SPOCK3: variants seen among roughly 807,000 people sequenced by gnomAD.
SPOCK3 encodes the protein SPARC (osteonectin), cwcv and kazal like domains proteoglycan 3.
SPOCK3 carries 30 observed loss-of-function variants against 56.6 expected under a neutral mutation model. The ratio of observed to expected loss-of-function variants is 0.53; its 90% confidence interval spans 0.40 to 0.72. The LOEUF (loss-of-function observed/expected upper bound fraction) is 0.72, where lower values mean the gene tolerates loss of function less well. Among genes scored for constraint, SPOCK3 ranks in the 30% least tolerant of loss-of-function variants. SPOCK3 has a pLI of 0.00. For synonymous variants in SPOCK3, 196 were observed against 183.3 expected (o/e 1.07, Z -0.56); for missense variants, 527 against 530.0 (o/e 0.99, Z 0.06).
chr4:166,768,000 T>G (rs1738357421), intron 7 of SPOCK3, among the ~76,000 whole-genome samples: 1 of 137,502 alleles, frequency 7.3e-6, no homozygotes. Flanking sequence ...TATCAGAGAC[T>G]AGGATTGCAA....
intron 3 of SPOCK3, among the ~76,000 whole-genome samples, chr4:167,040,070 A>G (rs1043308777): frequency 5.9e-5 from 9 of 152,198 alleles, no homozygotes; most frequent in Admixed American, 6.6e-5. Context: ...TCCAAAGCCT[A>G]CAAAATTTTC....
chr4:166,803,144 A>G lies in SPOCK3; in HGVS notation c.590-10855T>C, dbSNP rs144488997. ...TGAGTGTGCTCTATATTAAAGCCACACTAAAATTTTTAAGTGATAAATTCT... is the reference window on the plus strand; with the variant it reads ...TGAGTGTGCTCTATATTAAAGCCACGCTAAAATTTTTAAGTGATAAATTCT... On this transcript the variant is annotated intron_variant, in intron 6 of 10. Coordinates refer to ENST00000357545, the MANE Select transcript of SPOCK3 (RefSeq NM_001040159.2). 1.4e-4 allele frequency among the ~76,000 whole-genome samples: 22 copies of G among 152,302 alleles called. No homozygotes were observed. The East Asian group carries it at 4.3e-3, about 29-fold the overall frequency.
rs374304491 is a variant in SPOCK3, at chr4:167,176,609, C to T, written c.189+57376G>A. On this transcript the variant is annotated intron_variant, in intron 2 of 10. Coordinates refer to ENST00000357545, the MANE Select transcript of SPOCK3 (RefSeq NM_001040159.2). ...CTAATTTTTTGCATAAAGACAAGTGCTTCCATCTCTTTCAGTTCTTGGGTA... is the reference window on the plus strand; with the variant it reads ...CTAATTTTTTGCATAAAGACAAGTGTTTCCATCTCTTTCAGTTCTTGGGTA... 1.8e-3 allele frequency among the ~76,000 whole-genome samples: 274 copies of T among 152,190 alleles called. 13 individuals carry two copies. In the South Asian group the frequency reaches 0.054, roughly 30 times the overall value.
At chr4:166,943,728 T>C (rs938680092) in intron 4 of SPOCK3, among the ~76,000 whole-genome samples, 1 of 152,242 alleles carries the variant, frequency 6.6e-6, no homozygotes, top group Non-Finnish European at 1.5e-5. Flanking sequence ...CTATGACAAG[T>C]ACTAAAGTGG....
chr4:166,827,680 G>T (rs564153471), intron 6 of SPOCK3, among the ~76,000 whole-genome samples: 2 of 151,964 alleles, frequency 1.3e-5, no homozygotes, highest in African/African-American at 4.8e-5. Flanking sequence ...CATTCTGGCC[G>T]GCTTGACTTG....
intron 2 of SPOCK3, among the ~76,000 whole-genome samples, chr4:167,099,348 T>A (rs966478783): frequency 2.6e-5 from 4 of 151,938 alleles, no homozygotes; most frequent in African/African-American, 9.7e-5. Context: ...GATTTCCTAC[T>A]GAAGTGGCTG....
rs72975546 is a variant in SPOCK3, at chr4:167,177,974, T to C, written c.189+56011A>G. 9.7e-3 allele frequency among the ~76,000 whole-genome samples: 1,479 copies of C among 152,238 alleles called. 22 individuals are homozygous for C. The highest frequency in any genetic ancestry group is 0.033 in the African/African-American group (1,381 of 41,534). ...TCTTTTTCTGTCTCTGAATTATCTA[T>C]AGAGAAGCAGAGGCTCAGGAAGTTT... On this transcript the variant is annotated intron_variant, in intron 2 of 10. Coordinates refer to ENST00000357545, the MANE Select transcript of SPOCK3 (RefSeq NM_001040159.2).
intron 6 of SPOCK3, among the ~76,000 whole-genome samples, chr4:166,829,161 T>G (rs1227990553): frequency 6.6e-6 from 1 of 150,406 alleles, no homozygotes; most frequent in Non-Finnish European, 1.5e-5. Flanking sequence ...TAGATTAGAT[T>G]AGATACTGTT....
At chr4:167,077,460 C>T (rs1757303509) in intron 2 of SPOCK3, among the ~76,000 whole-genome samples, 1 of 151,822 alleles carries the variant, frequency 6.6e-6, no homozygotes, top group South Asian at 2.1e-4. Context: ...ACTACCAGAA[C>T]ATTTTTAAGA....
rs74990066 is a variant in SPOCK3, at chr4:167,001,014, T to C, written c.236-551A>G. On this transcript the variant is annotated intron_variant, in intron 3 of 10. Transcript: ENST00000357545. ...ATTCTGCATTTTCATTTTTACATCA[T>C]TTGTGCATAATATTTGGACCACCAT... Among the ~76,000 whole-genome samples, 1,364 of 152,290 alleles carry C rather than the reference T, an allele frequency of 9.0e-3. 20 individuals carry two copies. Among genetic ancestry groups the C allele is most frequent in the African/African-American group, 0.03 (1,241 of 41,562 alleles).
chr4:167,020,189 G>A (rs1561127443), intron 3 of SPOCK3, among the ~76,000 whole-genome samples: 1 of 152,058 alleles, frequency 6.6e-6, no homozygotes, highest in Admixed American at 6.6e-5. Context: ...TCAGGTAGGA[G>A]GTAGTATGAA....
At chr4:167,106,722 T>G (rs1243994921) in intron 2 of SPOCK3, among the ~76,000 whole-genome samples, 7 of 143,908 alleles carry the variant, frequency 4.9e-5, no homozygotes, top group Non-Finnish European at 9.1e-5. Flanking sequence ...TTTTTTTTTT[T>G]GAAAAGATAA....
At chr4:166,739,338 T>C (rs949703245) in intron 9 of SPOCK3, among the ~76,000 whole-genome samples, 1 of 152,118 alleles carries the variant, frequency 6.6e-6, no homozygotes, top group Non-Finnish European at 1.5e-5. Flanking sequence ...CCTCCCAGGT[T>C]CAAGTGATTC....
At chr4:167,224,500 G>T (rs1206916581) in intron 2 of SPOCK3, among the ~76,000 whole-genome samples, 1 of 152,030 alleles carries the variant, frequency 6.6e-6, no homozygotes, top group East Asian at 1.9e-4. Flanking sequence ...AGCAATTTTT[G>T]TATATGCCAC....
intron 4 of SPOCK3, chr4:166,918,415 C>G (rs1738116570): frequency 6.6e-6 from 1 of 151,954 alleles, no homozygotes; most frequent in African/African-American, 2.4e-5. Flanking sequence ...AAATACTAAC[C>G]AGGCCCAGCC....
chr4:166,797,268 A>C (rs1579255829), intron 6 of SPOCK3, among the ~76,000 whole-genome samples: 1 of 104,422 alleles, frequency 9.6e-6, no homozygotes, highest in Non-Finnish European at 1.9e-5. Flanking sequence ...AAGGAGTCTC[A>C]CTCTGTCCTC....
intron 2 of SPOCK3, among the ~76,000 whole-genome samples, chr4:167,217,957 C>A (rs1455945745): frequency 6.6e-6 from 1 of 151,168 alleles, no homozygotes; most frequent in Non-Finnish European, 1.5e-5. Flanking sequence ...AGGGTTTTAG[C>A]AAACAACAAA....
At chr4:167,159,419 T>C (rs1403430620) in intron 2 of SPOCK3, among the ~76,000 whole-genome samples, 1 of 151,906 alleles carries the variant, frequency 6.6e-6, no homozygotes. Flanking sequence ...TGAGATGCCC[T>C]CCCTATAACC....
At chr4:167,102,922 G>GAAAAAAAAAAA (rs55740507) in intron 2 of SPOCK3, among the ~76,000 whole-genome samples, 1 of 62,516 alleles carries the variant, frequency 1.6e-5, no homozygotes, top group African/African-American at 6.1e-5. Context: ...ATAGCTTGCA[G>GAAAAAAAAAAA]AAAAAAAAAA....
Sources: allele counts gnomAD v4.1 joint callset (sites outside exome capture counted in the v4.1 genomes callset), GRCh38; gene constraint gnomAD v4.1.1; transcripts MANE v1.5; gene names NCBI Gene and HGNC (gene_info 2026-07-23, HGNC 2026-07-21).